The following HIPK3 variants were observed in gnomAD, a reference collection of about 807,000 sequenced individuals.
HIPK3 encodes the protein homeodomain interacting protein kinase 3.
HIPK3 carries 47 observed loss-of-function variants against 124.2 expected under a neutral mutation model. That is an observed-to-expected ratio of 0.38 (90% CI 0.30 to 0.48). The LOEUF (loss-of-function observed/expected upper bound fraction) is 0.48. Among genes scored for constraint, HIPK3 ranks in the 20% least tolerant of loss-of-function variants. The pLI is 0.98. For missense variants in HIPK3, 1,286 were observed against 1,454.3 expected (o/e 0.88, Z 1.88); for synonymous variants, 482 against 515.2 (o/e 0.94, Z 0.87).
At chr11:33,336,122 T>C (rs1003681557) in intron 3 of HIPK3, among the ~76,000 whole-genome samples, 4 of 152,168 alleles carry the variant, frequency 2.6e-5, no homozygotes, top group Admixed American at 6.5e-5. Context: ...GGTGAGTTAC[T>C]GAGAAGGGCA....
At chr11:33,266,902 A>T (rs1850980555) in intron 1 of HIPK3, among the ~76,000 whole-genome samples, 1 of 152,098 alleles carries the variant, frequency 6.6e-6, no homozygotes. Flanking sequence ...TAAATAAAAG[A>T]AGGTCATATT....
At chr11:33,299,086 A>G (rs1851919333) in intron 2 of HIPK3, among the ~76,000 whole-genome samples, 1 of 151,696 alleles carries the variant, frequency 6.6e-6, no homozygotes, top group South Asian at 2.1e-4. Context: ...ACCTCAAGTG[A>G]TCTACCTGCC....
chr11:33,326,918 C>T (rs1055335787), intron 2 of HIPK3, among the ~76,000 whole-genome samples: 1 of 152,008 alleles, frequency 6.6e-6, no homozygotes, highest in African/African-American at 2.4e-5. Flanking sequence ...TGGGCTCAAG[C>T]AATCCTACCA....
intron 16 of HIPK3, 59 bp downstream of exon 16, chr11:33,352,324 C>G: frequency 6.4e-7 from 1 of 1,563,952 alleles, no homozygotes; most frequent in Non-Finnish European, 8.8e-7. Flanking sequence ...AGTTGTTTTT[C>G]ACGTGGAGGA....
At chr11:33,335,666 A>C (rs1285454940) in intron 3 of HIPK3, 3 of 151,856 alleles carry the variant, frequency 2.0e-5, no homozygotes, top group African/African-American at 7.3e-5. Context: ...AGGATAGAAG[A>C]TATTGAACAT....
Position 33,339,313 on chromosome 11 carries a change from A to C in HIPK3, c.1429-37A>C, listed in dbSNP as rs1244151424. 9 of 1,512,968 alleles carry C rather than the reference A, an allele frequency of 5.9e-6. No homozygotes were observed. The East Asian group carries it at 2.1e-4, about 35-fold the overall frequency. The allele number at this position is 1,512,968 out of a possible 1,614,324, so 93.7% of individuals were successfully genotyped here. ...GAATTTATACTACTCTCTGTGACTT[A>C]TTTTTACTTGATGGCTTGAAATTTT... On this transcript the variant is annotated intron_variant, in intron 5 of 16. Coordinates refer to ENST00000303296, the MANE Select transcript of HIPK3 (RefSeq NM_005734.5).
At chr11:33,320,854 AAG>A (rs1174361665) in intron 2 of HIPK3, among the ~76,000 whole-genome samples, 1 of 152,212 alleles carries the variant, frequency 6.6e-6, no homozygotes, top group Non-Finnish European at 1.5e-5. Flanking sequence ...AACATTCAAA[AAG>A]AAGTGCTGAG....
At chr11:33,288,961 A>T (rs2078321) in intron 2 of HIPK3, among the ~76,000 whole-genome samples, 101,195 of 151,986 alleles carry the variant, frequency 0.67, 33,957 homozygotes, top group Non-Finnish European at 0.72. Flanking sequence ...CAAGGAGTAT[A>T]TTCTGATACT....
intron 1 of HIPK3, among the ~76,000 whole-genome samples, chr11:33,274,088 G>A (rs1159337794): frequency 6.6e-6 from 1 of 152,106 alleles, no homozygotes; most frequent in East Asian, 1.9e-4. Context: ...CTGACCTTTG[G>A]TTCTCTACAT....
intron 2 of HIPK3, among the ~76,000 whole-genome samples, chr11:33,309,222 G>GAGGA (rs1852253071): frequency 6.6e-6 from 1 of 152,108 alleles, no homozygotes; most frequent in Non-Finnish European, 1.5e-5. Flanking sequence ...TCCCACCCAG[G>GAGGA]TTCCCACTCA....
intron 3 of HIPK3, among the ~76,000 whole-genome samples, chr11:33,335,454 A>G (rs1415430909): frequency 2.6e-5 from 4 of 152,230 alleles, no homozygotes; most frequent in African/African-American, 9.6e-5. Context: ...TCAAAGTAAA[A>G]TAAGGATTTA....
chr11:33,325,219 T>A (rs1000650985), intron 2 of HIPK3, among the ~76,000 whole-genome samples: 5 of 152,226 alleles, frequency 3.3e-5, no homozygotes, highest in African/African-American at 1.2e-4. Flanking sequence ...CAGAAACTCT[T>A]TTCTTACTGT....
At chr11:33,258,252 C>T (rs912364531) in intron 1 of HIPK3, 2 of 969,964 alleles carry the variant, frequency 2.1e-6, no homozygotes, top group African/African-American at 1.8e-5. Flanking sequence ...TCCCAGCAAC[C>T]GAAGTTTTGT....
At position 33,287,168 on chromosome 11, in the gene HIPK3, A is replaced by G; in HGVS notation, c.754A>G (p.Asn252Asp). ...CATATTAGCAAGGCTCAGTACTGAA[A>G]ATGCTGATGAATATAACTTTGTACG... Reference protein sequence around the residue: ...VSILARLSTENADEYNFVRAY... With the variant: ...VSILARLSTEDADEYNFVRAY... The change falls in exon 2 of 17, where the codon AAT becomes GAT. Residue 252 changes from asparagine to aspartate, a missense_variant. Physicochemically the swap from Asn to Asp is conservative, Grantham distance 23. This residue lies in a region of HIPK3 where 251 missense variants were observed against 349.1 expected (regional missense o/e 0.72). Transcript: ENST00000303296. 3 of 1,614,200 alleles carry G rather than the reference A, an allele frequency of 1.9e-6. No individual in the cohort carries two copies. The highest frequency in any genetic ancestry group is 1.3e-5 in the African/African-American group (1 of 75,058).
In HIPK3 at chr11:33,257,469, A is replaced by C. The variant is rs1411645094; in HGVS notation, c.-423A>C. 1.2e-5 allele frequency: 12 copies of C among 985,648 alleles called. No individual in the cohort carries two copies. Among genetic ancestry groups the C allele is most frequent in the Non-Finnish European group, 1.3e-5 (11 of 830,328 alleles). 61.1% of individuals were successfully genotyped at this position (985,648 alleles called of 1,614,324 possible). Reference sequence around the variant, plus strand: ...CCCCGCCGTCGCCACCACTCCCGCCAGTCTTCCTTCTCCGCTCCCGGCCGG... The same window carrying C: ...CCCCGCCGTCGCCACCACTCCCGCCCGTCTTCCTTCTCCGCTCCCGGCCGG... On this transcript the variant is annotated 5_prime_UTR_variant, in exon 1 of 17. Transcript: ENST00000303296.
intron 1 of HIPK3, among the ~76,000 whole-genome samples, chr11:33,274,786 C>T (rs1019394041): frequency 6.6e-6 from 1 of 152,052 alleles, no homozygotes; most frequent in African/African-American, 2.4e-5. Context: ...TTTCTAGCAG[C>T]TTTGAAATGT....
chr11:33,291,158 C>A (rs1851688101), intron 2 of HIPK3, among the ~76,000 whole-genome samples: 1 of 152,096 alleles, frequency 6.6e-6, no homozygotes, highest in Non-Finnish European at 1.5e-5. Flanking sequence ...GATACCACTA[C>A]TCTGTTTAAG....
In HIPK3 at chr11:33,352,053, A is replaced by G. The variant is rs1853678030; in HGVS notation, c.3044-85A>G. The G allele has an allele frequency of 3.8e-6, 5 of 1,332,228 alleles. No individual in the cohort carries two copies. In the Admixed American group the frequency reaches 5.8e-5, roughly 15 times the overall value. The allele number at this position is 1,332,228 out of a possible 1,614,324, so 82.5% of individuals were successfully genotyped here. A position where few individuals can be genotyped will look rare whatever the true frequency, so the allele number is the denominator to read the frequency against. On this transcript the variant is annotated intron_variant, in intron 15 of 16. Transcript: ENST00000303296. Reference sequence around the variant, plus strand: ...TTAATTTTAAGGCTCTCAAATCACTATTGTGTAAAATATCTAAAGACTTTG... The same window carrying G: ...TTAATTTTAAGGCTCTCAAATCACTGTTGTGTAAAATATCTAAAGACTTTG...
chr11:33,258,148 G>A (rs1850717989), intron 1 of HIPK3, among the ~76,000 whole-genome samples: 1 of 152,082 alleles, frequency 6.6e-6, no homozygotes, highest in Non-Finnish European at 1.5e-5. Context: ...CTGGGCCGCC[G>A]GACGCGGGGG....
Sources: gnomAD v4.1 joint callset for allele counts (sites outside exome capture counted in the v4.1 genomes callset) on GRCh38, gnomAD v4.1.1 for gene constraint, gnomAD v4.1.1 regional missense constraint, MANE v1.5 for transcripts, NCBI Gene and HGNC (gene_info 2026-07-23, HGNC 2026-07-21) for gene names.